MARK4: variants seen among roughly 807,000 people sequenced by gnomAD.
The protein encoded by MARK4 is microtubule affinity regulating kinase 4, also known as MAP/microtubule affinity-regulating kinase 4.
A neutral mutation model predicts 81.5 loss-of-function variants in MARK4; 19 were observed. That is an observed-to-expected ratio of 0.23 (90% CI 0.16 to 0.34). The LOEUF (loss-of-function observed/expected upper bound fraction) is 0.34, where lower values mean the gene tolerates loss of function less well. Ranked by LOEUF, MARK4 falls within the 10% of genes least tolerant of loss-of-function variation. The pLI is 1.00. For missense variants in MARK4, 772 were observed against 1,058.8 expected (o/e 0.73, Z 3.76); for synonymous variants, 436 against 439.0 (o/e 0.99, Z 0.08).
chr19:45,277,167 C>A (rs1970608725), intron 8 of MARK4, among the ~76,000 whole-genome samples: 1 of 151,978 alleles, frequency 6.6e-6, no homozygotes, highest in Non-Finnish European at 1.5e-5. Context: ...CCTCCACCTC[C>A]TAAGAGTTTA....
chr19:45,264,490 C>CAA lies in MARK4; in HGVS notation c.356-183_356-182dup, dbSNP rs368822280. ...GGGCAACAAGAGCAAAACTCCATCT[C>CAA]AAAAAAAAAAAACGAAAGTGGAAAG... On this transcript the variant is annotated intron_variant, in intron 4 of 16. Transcript: ENST00000262891. Among the ~76,000 whole-genome samples, 14 of 118,050 alleles carry CAA rather than the reference C, an allele frequency of 1.2e-4. No individual in the cohort carries two copies. In the East Asian group the frequency reaches 1.4e-3, roughly 12 times the overall value. The allele number at this position is 118,050 out of a possible 152,430, so 77.4% of individuals were successfully genotyped here.
chr19:45,280,611 G>A lies in MARK4; in HGVS notation c.1153G>A (p.Ala385Thr). The change falls in exon 12 of 17, where the codon GCA becomes ACA. Residue 385 changes from alanine (A) to threonine (T), a missense_variant. Transcript: ENST00000262891. ...GDRGAPGLAL[A>T]RVRAPSDTTN... Reference sequence around the variant, plus strand: ...CCGGGGCGCCCCAGGGCTGGCCCTGGCACGGGTGCGGGCGCCCAGCGACAC... The same window carrying A: ...CCGGGGCGCCCCAGGGCTGGCCCTGACACGGGTGCGGGCGCCCAGCGACAC... 1 of 1,614,000 alleles carries A rather than the reference G, an allele frequency of 6.2e-7. No individual in the cohort carries two copies. The highest frequency in any genetic ancestry group is 1.1e-5 in the South Asian group (1 of 91,078).
intron 12 of MARK4, among the ~76,000 whole-genome samples, chr19:45,286,195 A>G (rs1970740275): frequency 6.6e-6 from 1 of 152,008 alleles, no homozygotes; most frequent in Admixed American, 6.6e-5. Context: ...AGCTGGGATT[A>G]CAGGTGCATG....
intron 12 of MARK4, among the ~76,000 whole-genome samples, chr19:45,285,509 C>G (rs1021820484): frequency 6.6e-6 from 1 of 152,304 alleles, no homozygotes; most frequent in East Asian, 1.9e-4. Flanking sequence ...GAGCCCCACA[C>G]GGGAAGTGGT....
intron 1 of MARK4, among the ~76,000 whole-genome samples, chr19:45,256,429 C>T (rs185128699): frequency 6.6e-6 from 1 of 152,206 alleles, no homozygotes; most frequent in East Asian, 1.9e-4. Context: ...AAGAGTGAAA[C>T]TCTGTGTCAA....
intron 14 of MARK4, 99 bp downstream of exon 14, chr19:45,294,551 A>C (rs1970861807): frequency 9.7e-7 from 1 of 1,030,796 alleles, no homozygotes; most frequent in African/African-American, 1.6e-5. Flanking sequence ...GGCTGGTGCC[A>C]TGGGGACCAG....
chr19:45,298,471 T>C (rs1241995349), intron 15 of MARK4, among the ~76,000 whole-genome samples: 1 of 152,152 alleles, frequency 6.6e-6, no homozygotes, highest in Admixed American at 6.6e-5. Context: ...GTAAAATGGG[T>C]ATAGTAATAA....
At chr19:45,274,677 G>A (rs181199528) in intron 8 of MARK4, among the ~76,000 whole-genome samples, 4 of 152,166 alleles carry the variant, frequency 2.6e-5, no homozygotes, top group East Asian at 3.9e-4. Flanking sequence ...CTGACACTCC[G>A]GCCATAGCTG....
At chr19:45,286,050 T>G (rs1289832440) in intron 12 of MARK4, among the ~76,000 whole-genome samples, 1 of 152,114 alleles carries the variant, frequency 6.6e-6, no homozygotes, top group African/African-American at 2.4e-5. Flanking sequence ...GTTACGGTTT[T>G]TTGTTGTTGT....
At chr19:45,253,612 A>G (rs1218033001) in intron 1 of MARK4, among the ~76,000 whole-genome samples, 1 of 152,068 alleles carries the variant, frequency 6.6e-6, no homozygotes, top group East Asian at 1.9e-4. Context: ...CAGGGCTGTT[A>G]TTGGTTGTTG....
chr19:45,285,039 C>T (rs1241783696), intron 12 of MARK4, among the ~76,000 whole-genome samples: 1 of 151,944 alleles, frequency 6.6e-6, no homozygotes, highest in African/African-American at 2.4e-5. Context: ...TGCAGTGAGC[C>T]GAGATTGTGC....
At chr19:45,252,091 C>T (rs1970251113) in intron 1 of MARK4, among the ~76,000 whole-genome samples, 1 of 152,044 alleles carries the variant, frequency 6.6e-6, no homozygotes, top group African/African-American at 2.4e-5. Context: ...CCGGCCTTCC[C>T]TGTCTGGGGC....
At chr19:45,252,751 C>T (rs1970260213) in intron 1 of MARK4, among the ~76,000 whole-genome samples, 1 of 152,140 alleles carries the variant, frequency 6.6e-6, no homozygotes, top group South Asian at 2.1e-4. Context: ...TGGAAGCTTT[C>T]TCCCCAAATT....
Position 45,273,323 on chromosome 19 carries a change from T to C in MARK4, c.786+1615T>C, listed in dbSNP as rs78796431. Among the ~76,000 whole-genome samples the C allele has an allele frequency of 4.5e-3, 683 of 152,298 alleles. 4 individuals are homozygous for C. Among genetic ancestry groups the C allele is most frequent in the African/African-American group, 0.016 (648 of 41,564 alleles). On this transcript the variant is annotated intron_variant, in intron 8 of 16. Coordinates refer to ENST00000262891, the MANE Select transcript of MARK4 (RefSeq NM_001199867.2). The stretch of plus-strand genomic sequence containing the variant: ...GCCCTCATCGGCATTGATGGCGCAT[T>C]TGACAGTTAGTTGCAGACGCTGTGT...
chr19:45,273,669 G>T (rs191724343), intron 8 of MARK4, among the ~76,000 whole-genome samples: 1 of 152,304 alleles, frequency 6.6e-6, no homozygotes, highest in East Asian at 1.9e-4. Flanking sequence ...TTTGCAGAAC[G>T]TCCCTCAATT....
intron 12 of MARK4, 45 bp downstream of exon 12, chr19:45,280,779 G>A (rs199938981): frequency 1.9e-6 from 3 of 1,604,932 alleles, no homozygotes; most frequent in Non-Finnish European, 2.6e-6. Flanking sequence ...TTCTCCCCAA[G>A]GCCCAGACTT....
intron 1 of MARK4, among the ~76,000 whole-genome samples, chr19:45,255,897 G>A (rs78984627): frequency 6.6e-6 from 1 of 151,984 alleles, no homozygotes. Flanking sequence ...CTGAAAGGGA[G>A]ACAGTCCCTG....
At chr19:45,282,926 A>G (rs1321951998) in intron 12 of MARK4, among the ~76,000 whole-genome samples, 1 of 152,194 alleles carries the variant, frequency 6.6e-6, no homozygotes, top group East Asian at 1.9e-4. Context: ...CAGGAGATCG[A>G]GGTCGTGGTG....
Position 45,280,690 on chromosome 19 carries a change from G to T in MARK4, c.1232G>T (p.Ser411Ile). Residue 411 changes from serine to isoleucine, a missense_variant, in exon 12 of 17, where the codon AGT (serine) becomes ATT (isoleucine). Coordinates refer to ENST00000262891, the MANE Select transcript of MARK4 (RefSeq NM_001199867.2). ...ACCAGCCACAGCAAAGGGCAGCGGA[G>T]TTCCTCTTCCACCTACCACCGCCAG... ...KGTSHSKGQR[S>I]SSSTYHRQRR... The T allele has an allele frequency of 6.2e-7, 1 of 1,614,152 alleles. No individual in the cohort carries two copies. The highest frequency in any genetic ancestry group is 8.5e-7 in the Non-Finnish European group (1 of 1,180,018).
Sources: allele counts gnomAD v4.1 joint callset (sites outside exome capture counted in the v4.1 genomes callset), GRCh38; gene constraint gnomAD v4.1.1; transcripts MANE v1.5; gene names NCBI Gene and HGNC (gene_info 2026-07-23, HGNC 2026-07-21).